The following DMRTA1 variants were observed in gnomAD, a reference collection of about 807,000 sequenced individuals.
The protein encoded by DMRTA1 is doublesex- and mab-3-related transcription factor A1.
DMRTA1 carries 34 observed loss-of-function variants against 35.2 expected under a neutral mutation model. That is an observed-to-expected ratio of 0.97 (90% confidence interval 0.74 to 1.29). The LOEUF (loss-of-function observed/expected upper bound fraction) is 1.29. Ranked by LOEUF, DMRTA1 falls within the 50% of genes most tolerant of loss-of-function variation. DMRTA1 has a pLI of 0.00. For missense variants in DMRTA1, 824 were observed against 644.6 expected (o/e 1.28, Z -3.01); for synonymous variants, 344 against 276.6 (o/e 1.24, Z -2.42).
In DMRTA1 at chr9:22,455,654, C is replaced by T. The variant is rs140361644; in HGVS notation, c.*3743C>T. ...CGTGTTTGGTTGTTCATTTCATAGG[C>T]GAGCCACGTGTTTTGTAACATATTC... is the stretch of plus-strand genomic sequence containing the variant. On this transcript the variant is annotated 3_prime_UTR_variant, in exon 2 of 2. Coordinates refer to ENST00000325870, the MANE Select transcript of DMRTA1 (RefSeq NM_022160.3). 98 of 152,242 alleles carry T rather than the reference C, an allele frequency of 6.4e-4. No individual in the cohort carries two copies. The highest frequency in any genetic ancestry group is 2.3e-3 in the African/African-American group (94 of 41,554). 9.4% of individuals were successfully genotyped at this position (152,242 alleles called of 1,614,324 possible). A position where few individuals can be genotyped will look rare whatever the true frequency, so the allele number is the denominator to read the frequency against.
In DMRTA1 at chr9:22,447,525, CG is replaced by C; in HGVS notation, c.465del (p.Leu156TyrfsTer44). On this transcript the variant is annotated frameshift_variant, in exon 1 of 2. Transcript: ENST00000325870. LOFTEE classifies it high-confidence loss of function. ...GCAGGCGCAGGAGGAGAGCGAAGCCCGGGGGCTACAGAGGCTCCTGTGCTCG... is the reference window on the plus strand; with the variant it reads ...GCAGGCGCAGGAGGAGAGCGAAGCCCGGGGCTACAGAGGCTCCTGTGCTCG... ...RQQAQEESEARGLQRLLCSGL... is the reference protein window; with the variant it reads ...RQQAQEESEAXGLQRLLCSGL... The C allele has an allele frequency of 1.3e-6, 2 of 1,578,464 alleles. No homozygotes were observed. The highest frequency in any genetic ancestry group is 1.4e-5 in the African/African-American group (1 of 73,792).
rs1405246361 is a variant in DMRTA1, at chr9:22,447,577, G to A, written c.512G>A (p.Arg171Gln). Residue 171 changes from arginine to glutamine, a missense_variant, in exon 1 of 2, where the codon CGG (arginine) becomes CAG (glutamine). Transcript: ENST00000325870. Reference sequence around the variant, plus strand: ...GGGCTCTCCTGGCCCCCCGGTGGTCGGGCATCCGGGGGCGGCGGCAGAGCC... The same window carrying A: ...GGGCTCTCCTGGCCCCCCGGTGGTCAGGCATCCGGGGGCGGCGGCAGAGCC... ...CSGLSWPPGG[R>Q]ASGGGGRAEN... 8 of 1,599,246 alleles carry A rather than the reference G, an allele frequency of 5.0e-6. No homozygotes were observed. In the South Asian group the frequency reaches 5.6e-5, roughly 11 times the overall value.
Position 22,447,416 on chromosome 9 carries a change from C to T in DMRTA1, c.351C>T (p.Arg117=). The T allele has an allele frequency of 1.3e-6, 2 of 1,552,722 alleles. No individual in the cohort carries two copies. Among genetic ancestry groups the T allele is most frequent in the Non-Finnish European group, 1.7e-6 (2 of 1,150,268 alleles). Residue 117 remains arginine (R), a synonymous_variant, in exon 1 of 2, where the codon CGC becomes CGT. Coordinates refer to ENST00000325870, the MANE Select transcript of DMRTA1 (RefSeq NM_022160.3). ...TCAAGGGCCACAAGCGCTTCTGCCG[C>T]TGGCGGGACTGCGCGTGTGCCAAGT... ...SALKGHKRFC[R]WRDCACAKCT... is the part of the protein sequence containing the mutation.
Position 22,451,568 on chromosome 9 carries a change from C to T in DMRTA1, c.1172C>T (p.Ser391Leu), listed in dbSNP as rs1818928804. 6.2e-7 allele frequency: 1 copy of T among 1,614,036 alleles called. No individual in the cohort carries two copies. The highest frequency in any genetic ancestry group is 1.3e-5 in the African/African-American group (1 of 74,938). The change falls in exon 2 of 2, where the codon TCA becomes TTA. Residue 391 changes from serine to leucine, a missense_variant. Coordinates refer to ENST00000325870, the MANE Select transcript of DMRTA1 (RefSeq NM_022160.3). ...ELENTAFQRA[S>L]SFSLAGIGFG... ...GAAAACACAGCCTTTCAGAGAGCTT[C>T]AAGTTTTAGTCTTGCTGGAATTGGT...
chr9:22,455,118 T>C lies in DMRTA1; in HGVS notation c.*3207T>C. The C allele has an allele frequency of 6.6e-6, 1 of 152,136 alleles. No homozygotes were observed. The highest frequency in any genetic ancestry group is 1.9e-4 in the East Asian group (1 of 5,184). The allele number at this position is 152,136 out of a possible 1,614,324, so 9.4% of individuals were successfully genotyped here. A position where few individuals can be genotyped will look rare whatever the true frequency, so the allele number is the denominator to read the frequency against. On this transcript the variant is annotated 3_prime_UTR_variant, in exon 2 of 2. Transcript: ENST00000325870. ...TGAGAGTAGGCAGAAAAGAAAGACA[T>C]AGAACGCAGTGCGTGACTTACAAGG...
Position 22,451,278 on chromosome 9 carries a change from C to T in DMRTA1, c.882C>T (p.Ser294=). Residue 294 remains serine, a synonymous_variant, in exon 2 of 2, where the codon TCC becomes TCT. Coordinates refer to ENST00000325870, the MANE Select transcript of DMRTA1 (RefSeq NM_022160.3). ...EQSGGEESPR[S]LSSSDLESGN... is the part of the protein sequence containing the mutation. ...CAGGAGGTGAAGAGAGTCCCAGGTC[C>T]TTATCATCCTCTGATCTGGAATCAG... 1.9e-6 allele frequency: 3 copies of T among 1,614,074 alleles called. No individual in the cohort carries two copies. Among genetic ancestry groups the T allele is most frequent in the East Asian group, 2.2e-5 (1 of 44,880 alleles).
At chr9:22,449,787 C>T (rs1461625848) in intron 1 of DMRTA1, among the ~76,000 whole-genome samples, 2 of 151,998 alleles carry the variant, frequency 1.3e-5, no homozygotes, top group Non-Finnish European at 2.9e-5. Flanking sequence ...CTTCAAAATG[C>T]TAAATTGTAT....
At position 22,453,374 on chromosome 9, in the gene DMRTA1, A is replaced by G. The variant is rs1449522578; in HGVS notation, c.*1463A>G. The stretch of plus-strand genomic sequence containing the variant: ...TCATGGAGGCGTTTTTCATGAAGCC[A>G]GTAAGAATGTATTTCCAAGGAATAT... On this transcript the variant is annotated 3_prime_UTR_variant, in exon 2 of 2. Transcript: ENST00000325870. 1.3e-5 allele frequency: 2 copies of G among 152,086 alleles called. No homozygotes were observed. The highest frequency in any genetic ancestry group is 4.8e-5 in the African/African-American group (2 of 41,454). The allele number at this position is 152,086 out of a possible 1,614,324, so 9.4% of individuals were successfully genotyped here.
intron 1 of DMRTA1, 25 bp from the exon 2 acceptor site, chr9:22,451,039 A>AC (rs1818915639): frequency 2.5e-6 from 4 of 1,578,742 alleles, no homozygotes; most frequent in Non-Finnish European, 3.4e-6. Context: ...CCTGTATTTG[A>AC]TTTTTTTTTC....
In DMRTA1 at chr9:22,455,463, A is replaced by G. The variant is rs1459085868; in HGVS notation, c.*3552A>G. 2.0e-5 allele frequency: 3 copies of G among 152,336 alleles called. No homozygotes were observed. Among genetic ancestry groups the G allele is most frequent in the Middle Eastern group, 6.8e-3 (2 of 294 alleles). The allele number at this position is 152,336 out of a possible 1,614,324, so 9.4% of individuals were successfully genotyped here. A position where few individuals can be genotyped will look rare whatever the true frequency, so the allele number is the denominator to read the frequency against. On this transcript the variant is annotated 3_prime_UTR_variant, in exon 2 of 2. Coordinates refer to ENST00000325870, the MANE Select transcript of DMRTA1 (RefSeq NM_022160.3). ...CAGTAATGCTTATATACGGGATGCT[A>G]AATAAATAACTCTCACTGTTATTAC...
Position 22,447,033 on chromosome 9 carries a change from C to T in DMRTA1, c.-33C>T, listed in dbSNP as rs776423351. On this transcript the variant is annotated 5_prime_UTR_variant, in exon 1 of 2. Transcript: ENST00000325870. ...GGTTAGCTGCGGTCAGCGCACTTTC[C>T]ACTTGGGACTCCCGGCCAGAAATTT... The T allele has an allele frequency of 8.2e-6, 13 of 1,593,542 alleles. No individual in the cohort carries two copies. The highest frequency in any genetic ancestry group is 7.9e-5 in the South Asian group (7 of 88,294).
chr9:22,448,528 G>T (rs1273443615), intron 1 of DMRTA1, among the ~76,000 whole-genome samples: 1 of 151,848 alleles, frequency 6.6e-6, no homozygotes, highest in African/African-American at 2.4e-5. Context: ...TTCATTTCCT[G>T]CGTTAGGAGA....
rs1251257559 is a variant in DMRTA1 at position 22,451,715 on chromosome 9, C to T, written c.1319C>T (p.Ala440Val). ...GTAGGTATCAGTCCATTAAGGCTGG[C>T]ATATTCTTCTGCAGGAAGAGGGTTA... is the stretch of plus-strand genomic sequence containing the variant. Reference protein sequence around the residue: ...PRVGISPLRLAYSSAGRGLSG... With the variant: ...PRVGISPLRLVYSSAGRGLSG... The change falls in exon 2 of 2, where the codon GCA becomes GTA. Residue 440 changes from alanine (A) to valine (V), a missense_variant. Ala to Val is a moderately conservative substitution (Grantham distance 64, BLOSUM62 0). Transcript: ENST00000325870. The T allele has an allele frequency of 9.9e-6, 16 of 1,613,992 alleles. No homozygotes were observed. The East Asian group carries it at 3.1e-4, about 31-fold the overall frequency.
In DMRTA1 at chr9:22,447,280, G is replaced by A. The variant is rs993830673; in HGVS notation, c.215G>A (p.Gly72Glu). The A allele has an allele frequency of 1.3e-6, 2 of 1,506,128 alleles. No individual in the cohort carries two copies. Among genetic ancestry groups the A allele is most frequent in the African/African-American group, 2.9e-5 (2 of 68,638 alleles). 93.3% of individuals were successfully genotyped at this position (1,506,128 alleles called of 1,614,324 possible). ...AAAAAATSGS[G>E]GCPPAPGLES... ...GCCGCTGCCGCCACCTCGGGAAGCG[G>A]AGGCTGCCCGCCGGCTCCCGGGCTG... The change falls in exon 1 of 2, where the codon GGA becomes GAA. Residue 72 changes from glycine (G) to glutamate (E), a missense_variant. Coordinates refer to ENST00000325870, the MANE Select transcript of DMRTA1 (RefSeq NM_022160.3).
chr9:22,451,190 C>T lies in DMRTA1; in HGVS notation c.794C>T (p.Ser265Leu), dbSNP rs1818919941. ...GTCATTGGGAAACAAAGTATCGGGTCATCTATTTCAGAATACTCCAACAAG... is the reference window on the plus strand; with the variant it reads ...GTCATTGGGAAACAAAGTATCGGGTTATCTATTTCAGAATACTCCAACAAG... The part of the protein sequence containing the change: ...NGVIGKQSIG[S>L]SISEYSNKPD... Residue 265 changes from serine (S) to leucine (L), a missense_variant, in exon 2 of 2, where the codon TCA (serine) becomes TTA (leucine). Transcript: ENST00000325870. The T allele has an allele frequency of 1.2e-6, 2 of 1,613,966 alleles. No homozygotes were observed. The highest frequency in any genetic ancestry group is 3.3e-5 in the Admixed American group (2 of 60,004).
In DMRTA1 at chr9:22,447,201, G is replaced by A; in HGVS notation, c.136G>A (p.Ala46Thr). 2 of 1,585,062 alleles carry A rather than the reference G, an allele frequency of 1.3e-6. No homozygotes were observed. Among genetic ancestry groups the A allele is most frequent in the African/African-American group, 1.4e-5 (1 of 71,676 alleles). Residue 46 changes from alanine to threonine, a missense_variant, in exon 1 of 2, where the codon GCG becomes ACG. Physicochemically the swap from Ala to Thr is moderately conservative, Grantham distance 58. Coordinates refer to ENST00000325870, the MANE Select transcript of DMRTA1 (RefSeq NM_022160.3). ...ACCATCGGGGATGCAGGTTCCCCCA[G>A]CGTTCCTGCGGCCGCCCAGCCTCTT... ...PVPSGMQVPP[A>T]FLRPPSLFLR...
At position 22,447,097 on chromosome 9, in the gene DMRTA1, G is replaced by A; in HGVS notation, c.32G>A (p.Arg11Gln). The A allele has an allele frequency of 6.2e-7, 1 of 1,609,564 alleles. No individual in the cohort carries two copies. Among genetic ancestry groups the A allele is most frequent in the Non-Finnish European group, 8.5e-7 (1 of 1,178,692 alleles). The change falls in exon 1 of 2, where the codon CGA becomes CAA. Residue 11 changes from arginine (R) to glutamine (Q), a missense_variant. Coordinates refer to ENST00000325870, the MANE Select transcript of DMRTA1 (RefSeq NM_022160.3). Reference sequence around the variant, plus strand: ...CGGTCACAGTGTGGCAGCAGAGACCGAGGCGTTAGCGGCCGACCTCACTTG... The same window carrying A: ...CGGTCACAGTGTGGCAGCAGAGACCAAGGCGTTAGCGGCCGACCTCACTTG... MERSQCGSRD[R>Q]GVSGRPHLAP...
Position 22,452,763 on chromosome 9 carries a change from A to C in DMRTA1, c.*852A>C, listed in dbSNP as rs1210529006. 6.6e-6 allele frequency: 1 copy of C among 152,146 alleles called. No individual in the cohort carries two copies. The highest frequency in any genetic ancestry group is 1.5e-5 in the Non-Finnish European group (1 of 67,984). The allele number at this position is 152,146 out of a possible 1,614,324, so 9.4% of individuals were successfully genotyped here. A position where few individuals can be genotyped will look rare whatever the true frequency, so the allele number is the denominator to read the frequency against. On this transcript the variant is annotated 3_prime_UTR_variant, in exon 2 of 2. Transcript: ENST00000325870. Reference sequence around the variant, plus strand: ...GTAAAGTGCACATCTACTGTGGATGAGAGTTGCAGTCTTTAAGTGTGCTTA... The same window carrying C: ...GTAAAGTGCACATCTACTGTGGATGCGAGTTGCAGTCTTTAAGTGTGCTTA...
chr9:22,449,679 A>G lies in DMRTA1; in HGVS notation c.668-1385A>G, dbSNP rs113494428. ...TTAGAAAAGTATTATTGTGTTATTT[A>G]AAGTTGAAAATCCTATAGAGTGTTT... On this transcript the variant is annotated intron_variant, in intron 1 of 1. Coordinates refer to ENST00000325870, the MANE Select transcript of DMRTA1 (RefSeq NM_022160.3). Among the ~76,000 whole-genome samples, 1,382 of 152,240 alleles carry G rather than the reference A, an allele frequency of 9.1e-3. 21 individuals carry two copies. The highest frequency in any genetic ancestry group is 0.032 in the African/African-American group (1,315 of 41,562).
Sources: allele counts gnomAD v4.1 joint callset (sites outside exome capture counted in the v4.1 genomes callset), GRCh38; gene constraint gnomAD v4.1.1; transcripts MANE v1.5; gene names NCBI Gene and HGNC (gene_info 2026-07-23, HGNC 2026-07-21).